Variants in RELN observed in about 807,000 individuals in gnomAD.
The protein encoded by RELN is reelin.
RELN carries 108 observed loss-of-function variants against 427.6 expected under a neutral mutation model. The ratio of observed to expected loss-of-function variants is 0.25; its 90% confidence interval spans 0.22 to 0.30. RELN has a LOEUF of 0.30. Among genes scored for constraint, RELN ranks in the 10% least tolerant of loss-of-function variants. The pLI is 1.00. For missense variants in RELN, 3,715 were observed against 4,302.8 expected (o/e 0.86, Z 3.82); for synonymous variants, 1,524 against 1,513.4 (o/e 1.01, Z -0.16).
chr7:103,482,803 G>T, intron 63 of RELN, 70 bp downstream of exon 63: 1 of 1,611,738 alleles, frequency 6.2e-7, no homozygotes, highest in Non-Finnish European at 8.5e-7. Flanking sequence ...TGAATTAAGG[G>T]TCATGCTATA....
intron 1 of RELN, among the ~76,000 whole-genome samples, chr7:103,941,907 G>A (rs1563103405): frequency 6.6e-6 from 1 of 151,616 alleles, no homozygotes; most frequent in Non-Finnish European, 1.5e-5. Context: ...TTTAAATAAA[G>A]CTGACATGTA....
At chr7:103,898,304 G>A (rs180735078) in intron 2 of RELN, among the ~76,000 whole-genome samples, 2 of 151,986 alleles carry the variant, frequency 1.3e-5, no homozygotes. Context: ...ATTTTAATGA[G>A]AGTATACTAG....
At position 103,977,731 on chromosome 7, in the gene RELN, G is replaced by C. The variant is rs901668314; in HGVS notation, c.226+11400C>G. The stretch of plus-strand genomic sequence containing the variant: ...CACGAATCATTTCTACATCTGTTTG[G>C]ATTTTCCTTCCATTCTGCAAGCTAA... On this transcript the variant is annotated intron_variant, in intron 1 of 64. Coordinates refer to ENST00000428762, the MANE Select transcript of RELN (RefSeq NM_005045.4). 6.6e-5 allele frequency among the ~76,000 whole-genome samples: 10 copies of C among 152,170 alleles called. No homozygotes were observed. The East Asian group carries it at 1.9e-3, about 29-fold the overall frequency.
At chr7:103,877,920 A>T (rs1204913388) in intron 2 of RELN, among the ~76,000 whole-genome samples, 2 of 147,436 alleles carry the variant, frequency 1.4e-5, no homozygotes, top group Non-Finnish European at 3.0e-5. Context: ...CAGTGGTACA[A>T]TCTTGGCTCA....
At chr7:103,867,671 C>T (rs1434008825) in intron 2 of RELN, among the ~76,000 whole-genome samples, 1 of 152,058 alleles carries the variant, frequency 6.6e-6, no homozygotes, top group Admixed American at 6.6e-5. Flanking sequence ...TTTAAAAAAT[C>T]TTGGTGTTGT....
chr7:103,565,303 T>C lies in RELN; in HGVS notation c.5185A>G (p.Thr1729Ala), dbSNP rs530833393. 6.2e-7 allele frequency: 1 copy of C among 1,614,174 alleles called. No individual in the cohort carries two copies. Among genetic ancestry groups the C allele is most frequent in the Admixed American group, 1.7e-5 (1 of 60,018 alleles). The change falls in exon 34 of 65, where the codon ACT becomes GCT. Residue 1729 changes from threonine to alanine, a missense_variant. Around this residue, in one of 4 missense-constraint regions of RELN, gnomAD observed 2,208 missense variants for 2,361.7 expected, o/e 0.93. Transcript: ENST00000428762. ...SERFQNWKRI[T>A]VYLPLSTISP... The stretch of plus-strand genomic sequence containing the variant: ...ATGGTGGAGAGTGGAAGGTAGACAG[T>C]GATCCGCTTCCAATTCTGGAATCTT...
intron 2 of RELN, among the ~76,000 whole-genome samples, chr7:103,849,640 G>A (rs1793769803): frequency 6.6e-6 from 1 of 152,030 alleles, no homozygotes; most frequent in African/African-American, 2.4e-5. Context: ...GTAAGTACAT[G>A]TCTCTCTTTT....
intron 51 of RELN, among the ~76,000 whole-genome samples, chr7:103,505,918 C>A (rs1047059055): frequency 5.9e-5 from 9 of 152,174 alleles, no homozygotes; most frequent in African/African-American, 2.2e-4. Context: ...AGCTGAAAAA[C>A]ACAGCACGAG....
intron 10 of RELN, among the ~76,000 whole-genome samples, chr7:103,696,362 G>A (rs1414604231): frequency 6.6e-6 from 1 of 152,032 alleles, no homozygotes; most frequent in African/African-American, 2.4e-5. Context: ...CACTCATAAG[G>A]CTAATGATTG....
intron 1 of RELN, among the ~76,000 whole-genome samples, chr7:103,941,625 C>A (rs867292665): frequency 5.9e-5 from 9 of 152,044 alleles, no homozygotes; most frequent in Middle Eastern, 3.4e-3. Flanking sequence ...TTTAAATGTT[C>A]TAGAAAAAAG....
At chr7:103,560,809 G>C (rs1830625008) in intron 36 of RELN, among the ~76,000 whole-genome samples, 1 of 152,100 alleles carries the variant, frequency 6.6e-6, no homozygotes, top group Non-Finnish European at 1.5e-5. Context: ...ATGATAACTG[G>C]CATCTATTGA....
chr7:103,804,291 G>T (rs1307421552), intron 3 of RELN, among the ~76,000 whole-genome samples: 2 of 152,078 alleles, frequency 1.3e-5, no homozygotes, highest in Admixed American at 6.6e-5. Context: ...TGATAACAAA[G>T]CCAAAATATT....
At chr7:103,776,469 A>G (rs896448969) in intron 4 of RELN, 88 bp downstream of exon 4, 18 of 1,315,246 alleles carry the variant, frequency 1.4e-5, no homozygotes, top group Non-Finnish European at 1.8e-5. Flanking sequence ...TTAAGTAATC[A>G]TAATGAAATG....
chr7:103,799,313 T>G (rs938749111), intron 3 of RELN, among the ~76,000 whole-genome samples: 2 of 152,194 alleles, frequency 1.3e-5, no homozygotes, highest in Non-Finnish European at 2.9e-5. Flanking sequence ...CATTTTTATA[T>G]GACTAGGTCT....
intron 22 of RELN, among the ~76,000 whole-genome samples, chr7:103,607,298 G>C (rs1269324908): frequency 1.3e-5 from 2 of 152,098 alleles, no homozygotes; most frequent in African/African-American, 2.4e-5. Context: ...TTAATTAAGA[G>C]AAAAGGCAAG....
chr7:103,921,669 A>G (rs1421374026), intron 1 of RELN, among the ~76,000 whole-genome samples: 2 of 152,192 alleles, frequency 1.3e-5, no homozygotes, highest in Non-Finnish European at 2.9e-5. Flanking sequence ...ATGTCCATAG[A>G]TTAAAACCCT....
intron 31 of RELN, among the ~76,000 whole-genome samples, chr7:103,568,581 T>C (rs362731): frequency 0.46 from 69,803 of 151,928 alleles, 16,019 homozygotes; most frequent in East Asian, 0.5. Flanking sequence ...TTCTTGTCTT[T>C]ATTCTAGTCA....
intron 47 of RELN, 69 bp downstream of exon 47, chr7:103,523,322 A>G: frequency 6.3e-7 from 1 of 1,581,832 alleles, no homozygotes; most frequent in Non-Finnish European, 8.7e-7. Context: ...AAAACCAGTT[A>G]CAGAAAAATC....
intron 53 of RELN, among the ~76,000 whole-genome samples, chr7:103,498,560 C>CAACT (rs1189208124): frequency 1.3e-5 from 2 of 152,034 alleles, no homozygotes; most frequent in African/African-American, 4.8e-5. Flanking sequence ...GGCACAATCT[C>CAACT]AACTAACTGC....
Sources: gnomAD v4.1 joint callset for allele counts (sites outside exome capture counted in the v4.1 genomes callset) on GRCh38, gnomAD v4.1.1 for gene constraint, gnomAD v4.1.1 regional missense constraint, MANE v1.5 for transcripts, NCBI Gene and HGNC (gene_info 2026-07-23, HGNC 2026-07-21) for gene names.